Variants in SLC4A10 observed in about 807,000 individuals in gnomAD.
The protein encoded by SLC4A10 is solute carrier family 4 member 10.
In SLC4A10, 42 loss-of-function variants were observed where a neutral mutation model predicts 137.7. That is an observed-to-expected ratio of 0.30 (90% CI 0.24 to 0.39). The LOEUF is 0.39. Ranked by LOEUF, SLC4A10 falls within the 10% of genes least tolerant of loss-of-function variation. The pLI is 1.00. For synonymous variants in SLC4A10, 474 were observed against 464.1 expected (o/e 1.02, Z -0.27); for missense variants, 925 against 1,355.0 (o/e 0.68, Z 4.98).
chr2:161,828,806 A>ATG lies in SLC4A10; in HGVS notation c.278-10982_278-10981insGT, dbSNP rs1298212909. 4.0e-3 allele frequency among the ~76,000 whole-genome samples: 486 copies of ATG among 120,136 alleles called. 5 individuals are homozygous for ATG. Among genetic ancestry groups the ATG allele is most frequent in the African/African-American group, 9.9e-3 (317 of 32,072 alleles). The allele number at this position is 120,136 out of a possible 152,430, so 78.8% of individuals were successfully genotyped here. A position where few individuals can be genotyped will look rare whatever the true frequency, so the allele number is the denominator to read the frequency against. On this transcript the variant is annotated intron_variant, in intron 3 of 26. Transcript: ENST00000446997. ...TATATATATATATATATATATATAT[A>ATG]TATGTATAATCTACATCTGCATCAA...
intron 1 of SLC4A10, among the ~76,000 whole-genome samples, chr2:161,728,664 A>C (rs2046494868): frequency 6.6e-6 from 1 of 152,220 alleles, no homozygotes; most frequent in African/African-American, 2.4e-5. Context: ...CATAATTTCT[A>C]CTAGAAAATA....
chr2:161,962,245 C>CT (rs1286684776), intron 21 of SLC4A10, among the ~76,000 whole-genome samples: 3 of 152,110 alleles, frequency 2.0e-5, no homozygotes, highest in African/African-American at 7.2e-5. Flanking sequence ...AATGCTGTTT[C>CT]TGCATTCAGA....
intron 21 of SLC4A10, among the ~76,000 whole-genome samples, chr2:161,961,632 G>A (rs1365225069): frequency 6.6e-6 from 1 of 151,060 alleles, no homozygotes; most frequent in African/African-American, 2.4e-5. Flanking sequence ...TAGGCCCCAG[G>A]CTCACATAAA....
In SLC4A10 at chr2:161,907,414, A is replaced by G. The variant is rs1684699375; in HGVS notation, c.1997+1527A>G. Among the ~76,000 whole-genome samples the G allele has an allele frequency of 7.2e-5, 11 of 152,326 alleles. No homozygotes were observed. The South Asian group carries it at 2.1e-3, about 29-fold the overall frequency. ...TGAATTTGGATATCCTTGCTGGGAT[A>G]TGTAATTATCTCTGGTTGGATTTTC... On this transcript the variant is annotated intron_variant, in intron 15 of 26. Coordinates refer to ENST00000446997, the MANE Select transcript of SLC4A10 (RefSeq NM_001178015.2).
At chr2:161,716,086 A>G (rs1426590961) in intron 1 of SLC4A10, among the ~76,000 whole-genome samples, 2 of 151,942 alleles carry the variant, frequency 1.3e-5, no homozygotes, top group African/African-American at 2.4e-5. Context: ...AATAATCAGC[A>G]ATATTAAGCT....
intron 10 of SLC4A10, among the ~76,000 whole-genome samples, chr2:161,882,674 C>T (rs999869510): frequency 7.9e-5 from 12 of 152,012 alleles, no homozygotes; most frequent in Non-Finnish European, 1.8e-4. Flanking sequence ...GAAATTTTTT[C>T]AGTGACACTT....
intron 1 of SLC4A10, among the ~76,000 whole-genome samples, chr2:161,687,419 A>G (rs1315053963): frequency 6.6e-6 from 1 of 152,194 alleles, no homozygotes; most frequent in African/African-American, 2.4e-5. Flanking sequence ...TAGAAAAAAT[A>G]TATAATTTTA....
intron 2 of SLC4A10, among the ~76,000 whole-genome samples, chr2:161,785,372 T>C (rs576920113): frequency 1.2e-4 from 18 of 150,156 alleles, no homozygotes; most frequent in Non-Finnish European, 2.5e-4. Flanking sequence ...ACTCATTGTA[T>C]GATGCCAGCA....
chr2:161,877,254 A>C (rs950694472), intron 8 of SLC4A10, among the ~76,000 whole-genome samples: 2 of 152,116 alleles, frequency 1.3e-5, no homozygotes, highest in Admixed American at 6.6e-5. Context: ...GTGGAATTTA[A>C]ATTTCAGGTA....
At chr2:161,928,054 T>C (rs1414451661) in intron 15 of SLC4A10, among the ~76,000 whole-genome samples, 3 of 150,696 alleles carry the variant, frequency 2.0e-5, no homozygotes, top group Non-Finnish European at 4.4e-5. Context: ...ATCATGCTGC[T>C]ATAAAGACAC....
chr2:161,646,844 GA>G (rs1427569380), intron 1 of SLC4A10, among the ~76,000 whole-genome samples: 1 of 152,016 alleles, frequency 6.6e-6, no homozygotes, highest in African/African-American at 2.4e-5. Flanking sequence ...ACTATAATAG[GA>G]AAACATTTCA....
Position 161,904,058 on chromosome 2 carries a change from T to G in SLC4A10, c.1497T>G (p.Ser499Arg). The change falls in exon 13 of 27, where the codon AGT becomes AGG. Residue 499 changes from serine to arginine, a missense_variant. Coordinates refer to ENST00000446997, the MANE Select transcript of SLC4A10 (RefSeq NM_001178015.2). ...AAAGAAAAGCTCCATACTTCTGGAG[T>G]GACTTCAGAGATGCTTTCAGCCTGC... is the stretch of plus-strand genomic sequence containing the variant. ...DIKRKAPYFWSDFRDAFSLQC... is the reference protein window; with the variant it reads ...DIKRKAPYFWRDFRDAFSLQC... 6.3e-7 allele frequency: 1 copy of G among 1,599,324 alleles called. No individual in the cohort carries two copies. Among genetic ancestry groups the G allele is most frequent in the Non-Finnish European group, 8.5e-7 (1 of 1,171,988 alleles).
chr2:161,834,692 C>T (rs535777820), intron 3 of SLC4A10, among the ~76,000 whole-genome samples: 9 of 145,864 alleles, frequency 6.2e-5, no homozygotes, highest in Non-Finnish European at 1.4e-4. Context: ...CACACACACA[C>T]ACACACACAA....
chr2:161,855,135 A>G lies in SLC4A10; in HGVS notation c.577+5A>G, dbSNP rs889601693. The G allele has an allele frequency of 8.7e-6, 14 of 1,605,142 alleles. No individual in the cohort carries two copies. Among genetic ancestry groups the G allele is most frequent in the African/African-American group, 1.3e-5 (1 of 74,560 alleles). ...ACACTTTAGAAGAAATTGCAGGTAT[A>G]TCTTTTCCCCCTTAGTGTATTTTAT... On this transcript the variant is annotated splice_donor_5th_base_variant and intron_variant, in intron 5 of 26. Coordinates refer to ENST00000446997, the MANE Select transcript of SLC4A10 (RefSeq NM_001178015.2).
At chr2:161,885,185 A>C (rs1407249959) in intron 10 of SLC4A10, among the ~76,000 whole-genome samples, 2 of 152,164 alleles carry the variant, frequency 1.3e-5, no homozygotes, top group African/African-American at 4.8e-5. Flanking sequence ...CTCAAAAATA[A>C]ATAAATAGAT....
chr2:161,937,923 C>T (rs548784837), intron 15 of SLC4A10, among the ~76,000 whole-genome samples: 1 of 151,824 alleles, frequency 6.6e-6, no homozygotes, highest in Non-Finnish European at 1.5e-5. Context: ...TTCTCCATAC[C>T]CCACCCAAAT....
chr2:161,949,225 C>A lies in SLC4A10; in HGVS notation c.2343C>A (p.Ile781=). ...TTTTAATTGACTATGCCATTGGGAT[C>A]CCATCTCCAAAACTACAAGTACCAA... ...CMVLIDYAIG[I]PSPKLQVPSV... The change falls in exon 18 of 27, where the codon ATC becomes ATA. Residue 781 remains isoleucine, a synonymous_variant. Transcript: ENST00000446997. 1 of 1,611,134 alleles carries A rather than the reference C, an allele frequency of 6.2e-7. No homozygotes were observed.
intron 2 of SLC4A10, among the ~76,000 whole-genome samples, chr2:161,783,147 C>CT (rs1460652031): frequency 6.6e-6 from 1 of 151,880 alleles, no homozygotes; most frequent in Non-Finnish European, 1.5e-5. Context: ...TCTTCAGCAA[C>CT]TTTTTTGCAG....
chr2:161,806,379 T>G (rs2055960376), intron 3 of SLC4A10, among the ~76,000 whole-genome samples: 1 of 152,194 alleles, frequency 6.6e-6, no homozygotes, highest in African/African-American at 2.4e-5. Flanking sequence ...GCATTTGGCT[T>G]GAATTTCTCC....
Sources: allele counts gnomAD v4.1 joint callset (sites outside exome capture counted in the v4.1 genomes callset), GRCh38; gene constraint gnomAD v4.1.1; transcripts MANE v1.5; gene names NCBI Gene and HGNC (gene_info 2026-07-23, HGNC 2026-07-21).